Variants in ZNF385D observed in about 807,000 individuals in gnomAD.
ZNF385D encodes the protein zinc finger protein 659.
A neutral mutation model predicts 35.8 loss-of-function variants in ZNF385D; 15 were observed. The observed-to-expected ratio is 0.42, with a 90% CI of 0.28 to 0.64. The LOEUF (loss-of-function observed/expected upper bound fraction) is 0.64. ZNF385D is among the 30% of genes least tolerant of loss of function. The probability of loss-of-function intolerance (pLI) is 0.23; values close to 1 mark genes in which losing one functional copy is unlikely to be tolerated. For missense variants in ZNF385D, 474 were observed against 494.6 expected, an observed-to-expected ratio of 0.96 and a Z score of 0.39; for synonymous variants, 212 against 186.8, an observed-to-expected ratio of 1.13 and a Z score of -1.10.
chr3:22,138,373 A>C (rs1704287826), intron 3 of ZNF385D, among the ~76,000 whole-genome samples: 1 of 152,200 alleles, frequency 6.6e-6, no homozygotes, highest in South Asian at 2.1e-4. Context: ...GTCCTAAGCC[A>C]AAAGAACAAA....
At chr3:22,179,958 G>C (rs1313259492) in intron 2 of ZNF385D, among the ~76,000 whole-genome samples, 1 of 152,138 alleles carries the variant, frequency 6.6e-6, no homozygotes, top group Non-Finnish European at 1.5e-5. Context: ...GAAGGAAACA[G>C]AGACACAAAA....
At chr3:22,175,806 C>CAT (rs1271469827) in intron 2 of ZNF385D, among the ~76,000 whole-genome samples, 9 of 150,370 alleles carry the variant, frequency 6.0e-5, no homozygotes, top group East Asian at 3.9e-4. Context: ...ATTTGGAATA[C>CAT]ATATATATAT....
intron 3 of ZNF385D, among the ~76,000 whole-genome samples, chr3:21,957,788 T>G (rs557113131): frequency 6.6e-6 from 1 of 152,138 alleles, no homozygotes; most frequent in Non-Finnish European, 1.5e-5. Context: ...ACCCAACATT[T>G]TGCTTTGACT....
intron 2 of ZNF385D, among the ~76,000 whole-genome samples, chr3:22,364,530 A>T (rs189863528): frequency 5.9e-4 from 90 of 152,224 alleles, no homozygotes; most frequent in African/African-American, 2.0e-3. Flanking sequence ...AGGAAAATAT[A>T]AATCAAAACT....
chr3:22,292,251 C>T (rs1246614188), intron 2 of ZNF385D, among the ~76,000 whole-genome samples: 4 of 151,962 alleles, frequency 2.6e-5, no homozygotes, highest in African/African-American at 7.2e-5. Flanking sequence ...ATCTTCTGAG[C>T]CCTAACATAC....
intron 3 of ZNF385D, among the ~76,000 whole-genome samples, chr3:21,553,105 A>C (rs2062620701): frequency 1.3e-5 from 2 of 152,198 alleles, no homozygotes; most frequent in African/African-American, 4.8e-5. Context: ...GAAGCTGAAA[A>C]AGGCAAGCAA....
intron 2 of ZNF385D, among the ~76,000 whole-genome samples, chr3:22,274,838 T>G (rs752875888): frequency 4.0e-5 from 6 of 151,850 alleles, no homozygotes; most frequent in Non-Finnish European, 8.8e-5. Flanking sequence ...ATTGAAGTCT[T>G]TAAAAATATT....
intron 3 of ZNF385D, among the ~76,000 whole-genome samples, chr3:21,915,183 G>T (rs1700137382): frequency 6.6e-6 from 1 of 151,942 alleles, no homozygotes; most frequent in African/African-American, 2.4e-5. Context: ...TGACGGTACT[G>T]AGGTTATCTG....
intron 2 of ZNF385D, among the ~76,000 whole-genome samples, chr3:22,206,803 C>T (rs946444214): frequency 6.6e-6 from 1 of 151,604 alleles, no homozygotes; most frequent in African/African-American, 2.4e-5. Context: ...TTTATAAATG[C>T]CAACATCAGA....
At chr3:21,921,094 G>A (rs1700436515) in intron 3 of ZNF385D, among the ~76,000 whole-genome samples, 1 of 151,668 alleles carries the variant, frequency 6.6e-6, no homozygotes, top group South Asian at 2.1e-4. Context: ...GTGATGGCGG[G>A]CGCCTGTAGT....
intron 3 of ZNF385D, among the ~76,000 whole-genome samples, chr3:21,535,137 G>A (rs1281132230): frequency 6.6e-6 from 1 of 152,060 alleles, no homozygotes; most frequent in Non-Finnish European, 1.5e-5. Context: ...AACTTACCTA[G>A]AATTCTTTGT....
chr3:22,033,402 A>AAATAATAATAAT (rs59555475), intron 3 of ZNF385D, among the ~76,000 whole-genome samples: 3,286 of 139,320 alleles, frequency 0.024, 105 homozygotes, highest in African/African-American at 0.068. Context: ...GCTGGCTCCA[A>AAATAATAATAAT]AATAATAATA....
intron 2 of ZNF385D, among the ~76,000 whole-genome samples, chr3:21,641,447 T>A (rs2065603150): frequency 6.6e-6 from 1 of 151,928 alleles, no homozygotes; most frequent in Non-Finnish European, 1.5e-5. Context: ...TATTATTGTC[T>A]CATCACTGGG....
intron 3 of ZNF385D, among the ~76,000 whole-genome samples, chr3:22,079,099 A>G (rs1172612173): frequency 1.3e-5 from 2 of 152,086 alleles, no homozygotes; most frequent in Non-Finnish European, 2.9e-5. Context: ...AGAAGTGTGG[A>G]TTAAATAGGA....
chr3:22,305,180 A>C (rs1481779781), intron 2 of ZNF385D, among the ~76,000 whole-genome samples: 1 of 152,036 alleles, frequency 6.6e-6, no homozygotes. Context: ...GATTTTATTG[A>C]GAACAAAAGC....
chr3:21,758,051 T>G (rs2070426511), intron 3 of ZNF385D, among the ~76,000 whole-genome samples: 1 of 152,350 alleles, frequency 6.6e-6, no homozygotes, highest in South Asian at 2.1e-4. Flanking sequence ...CAAGTTTTAT[T>G]CACTACCTGA....
At chr3:21,518,105 C>T (rs919601365) in intron 3 of ZNF385D, among the ~76,000 whole-genome samples, 1 of 152,108 alleles carries the variant, frequency 6.6e-6, no homozygotes, top group African/African-American at 2.4e-5. Flanking sequence ...CCAAAGTGGC[C>T]ATTTCTTTTG....
chr3:22,355,731 A>C (rs1696119642), intron 2 of ZNF385D, among the ~76,000 whole-genome samples: 1 of 152,022 alleles, frequency 6.6e-6, no homozygotes, highest in South Asian at 2.1e-4. Context: ...TATATTATGG[A>C]ATTAAATCAT....
chr3:22,338,018 T>A (rs1375512415), intron 2 of ZNF385D, among the ~76,000 whole-genome samples: 4 of 152,196 alleles, frequency 2.6e-5, no homozygotes. Context: ...GAACTAAAAT[T>A]TTTTCTCATC....
Sources: gnomAD v4.1 joint callset for allele counts (sites outside exome capture counted in the v4.1 genomes callset) on GRCh38, gnomAD v4.1.1 for gene constraint, MANE v1.5 for transcripts, NCBI Gene and HGNC (gene_info 2026-07-23, HGNC 2026-07-21) for gene names.